Variants in DEAF1 observed in about 807,000 individuals in gnomAD.
The protein encoded by DEAF1 is deformed epidermal autoregulatory factor 1 homolog.
In DEAF1, 53 loss-of-function variants were observed where a neutral mutation model predicts 58.9. The observed-to-expected ratio is 0.90, with a 90% CI of 0.72 to 1.13. The LOEUF (loss-of-function observed/expected upper bound fraction) is 1.13, where lower values mean the gene tolerates loss of function less well. Ranked by LOEUF, DEAF1 falls within the 50% of genes most tolerant of loss-of-function variation. DEAF1 has a pLI of 0.00. For synonymous variants in DEAF1, 385 were observed against 340.4 expected (o/e 1.13, Z -1.44); for missense variants, 685 against 791.4 (o/e 0.87, Z 1.61).
At chr11:689,577 G>C (rs1459970205) in intron 2 of DEAF1, 2 of 152,130 alleles carry the variant, frequency 1.3e-5, no homozygotes, top group Non-Finnish European at 2.9e-5. Flanking sequence ...AGTTTATCAT[G>C]GAGTGGAGGG....
At chr11:674,268 T>A (rs1401622097) in intron 10 of DEAF1, 22 of 477,858 alleles carry the variant, frequency 4.6e-5, no homozygotes, top group Non-Finnish European at 8.5e-5. Flanking sequence ...AGGTGAGTAT[T>A]CACAACGGCC....
chr11:652,144 A>G (rs989147679), intron 11 of DEAF1, among the ~76,000 whole-genome samples: 1 of 152,248 alleles, frequency 6.6e-6, no homozygotes, highest in African/African-American at 2.4e-5. Flanking sequence ...AACACTAAGT[A>G]TGTTCTTGAA....
At chr11:648,121 T>A (rs932114929) in intron 11 of DEAF1, among the ~76,000 whole-genome samples, 1 of 151,856 alleles carries the variant, frequency 6.6e-6, no homozygotes, top group African/African-American at 2.4e-5. Flanking sequence ...TGGGGCTTCA[T>A]AACATGCATA....
Position 679,802 on chromosome 11 carries a change from A to AG in DEAF1, c.1011dup (p.Ser338LeufsTer13). 1.2e-6 allele frequency: 2 copies of AG among 1,613,668 alleles called. No individual in the cohort carries two copies. Among genetic ancestry groups the AG allele is most frequent in the Non-Finnish European group, 1.7e-6 (2 of 1,180,016 alleles). On this transcript the variant is annotated frameshift_variant, in exon 8 of 12. Coordinates refer to ENST00000382409, the MANE Select transcript of DEAF1 (RefSeq NM_021008.4). LOFTEE classifies it high-confidence loss of function. ...GCCCCCGAGGTCGTGATCTGTCCCG[A>AG]GGGGGTCACGGTGACTGGAAAGGCA...
chr11:687,996 G>A lies in DEAF1; in HGVS notation c.579C>T (p.Asn193=). Residue 193 remains asparagine (N), a synonymous_variant, in exon 4 of 12, where the codon AAC becomes AAT. Transcript: ENST00000382409. ...CACTGTCGTACACAGAAGGGTCCCA[G>A]TTGTATTTAGTTCCACCTTTTTCTT... ...PGQEKGGTKY[N]WDPSVYDSEL... 6.2e-7 allele frequency: 1 copy of A among 1,614,114 alleles called. No homozygotes were observed. The highest frequency in any genetic ancestry group is 2.2e-5 in the East Asian group (1 of 44,884).
intron 6 of DEAF1, 137 bp from the exon 7 acceptor site, chr11:681,226 A>G (rs1407937454): frequency 2.0e-5 from 24 of 1,223,964 alleles, no homozygotes; most frequent in Non-Finnish European, 2.7e-5. Context: ...AAGCGCCCCT[A>G]AAGATCCCAC....
At chr11:654,655 ACC>A (rs1376731594) in intron 10 of DEAF1, 1 of 454,850 alleles carries the variant, frequency 2.2e-6, no homozygotes, top group African/African-American at 2.0e-5. Context: ...CGGGTGGATC[ACC>A]TGAGGTCAGG....
At chr11:703,799 G>C in intron 1 of DEAF1, 1 of 1,233,204 alleles carries the variant, frequency 8.1e-7, no homozygotes, top group Non-Finnish European at 1.0e-6. Context: ...TCTCCCTTCA[G>C]GGGCTTCGGA....
chr11:695,483 G>T, upstream of DEAF1: 2 of 735,470 alleles, frequency 2.7e-6, no homozygotes, highest in Non-Finnish European at 3.7e-6. Context: ...GATTCTCGCC[G>T]GCGGCCGGCG....
intron 1 of DEAF1, chr11:704,746 C>T: frequency 1.0e-6 from 1 of 958,572 alleles, no homozygotes; most frequent in Non-Finnish European, 1.4e-6. Flanking sequence ...TGGATGGGGC[C>T]CGAGAGGCCA....
chr11:646,319 G>A (rs1296494952), intron 11 of DEAF1: 1 of 150,144 alleles, frequency 6.7e-6, no homozygotes, highest in Non-Finnish European at 1.5e-5. Flanking sequence ...TAGCATGAAA[G>A]CACATACATC....
intron 11 of DEAF1, among the ~76,000 whole-genome samples, chr11:649,410 A>C (rs1324266848): frequency 1.4e-5 from 2 of 141,688 alleles, no homozygotes; most frequent in African/African-American, 2.5e-5. Flanking sequence ...TGACAGAGAG[A>C]GACCCCACTT....
In DEAF1 at chr11:672,911, C is replaced by T. The variant is rs996344491; in HGVS notation, c.1503+1625G>A. 3.3e-5 allele frequency among the ~76,000 whole-genome samples: 5 copies of T among 151,296 alleles called. No homozygotes were observed. In the South Asian group the frequency reaches 6.3e-4, roughly 19 times the overall value. ...TACGTATAATCCCAGCACTTTAAGA[C>T]GCTCAGGCGGGTAGATCACTTGAGG... is the stretch of plus-strand genomic sequence containing the variant. On this transcript the variant is annotated intron_variant, in intron 10 of 11. Transcript: ENST00000382409.
intron 10 of DEAF1, among the ~76,000 whole-genome samples, chr11:666,873 CAAAAA>C (rs532628897): frequency 3.3e-5 from 2 of 60,252 alleles, no homozygotes; most frequent in African/African-American, 1.3e-4. Flanking sequence ...ACTCTGTCTC[CAAAAA>C]AAAAAAAAAA....
intron 7 of DEAF1, 178 bp from the exon 8 acceptor site, chr11:679,994 C>T: frequency 1.0e-5 from 8 of 775,216 alleles, no homozygotes; most frequent in Non-Finnish European, 1.6e-5. Flanking sequence ...GAAGACCTCA[C>T]AGGAGAAAAC....
intron 1 of DEAF1, chr11:701,055 T>G: frequency 2.9e-6 from 1 of 348,210 alleles, no homozygotes. Context: ...CCCTTGCCCT[T>G]AGCTGTCTGA....
chr11:685,645 A>C (rs1336262066), intron 5 of DEAF1, among the ~76,000 whole-genome samples: 1 of 152,098 alleles, frequency 6.6e-6, no homozygotes, highest in African/African-American at 2.4e-5. Context: ...CAGTGAGCTG[A>C]GATCACACCA....
chr11:654,190 A>C (rs1392613390), intron 10 of DEAF1, 139 bp from the exon 11 acceptor site: 3 of 577,012 alleles, frequency 5.2e-6, no homozygotes, highest in East Asian at 3.1e-5. Flanking sequence ...TTTTTTTGAG[A>C]TGGAGTCTCA....
Position 688,129 on chromosome 11 carries a change from C to T in DEAF1, c.518-72G>A, listed in dbSNP as rs752659895. On this transcript the variant is annotated intron_variant, in intron 3 of 11. Coordinates refer to ENST00000382409, the MANE Select transcript of DEAF1 (RefSeq NM_021008.4). This position sits in a 1 kb window ranked among gnomAD's most constrained non-coding sequence, Gnocchi z 4.3. ...GCATAGTACACTCTCATCTCAGACA[C>T]CACCTCCCCGGCAGCGCCACCTCCT... The T allele has an allele frequency of 1.4e-5, 23 of 1,600,596 alleles. No individual in the cohort carries two copies. Among genetic ancestry groups the T allele is most frequent in the Non-Finnish European group, 2.0e-5 (23 of 1,170,716 alleles).
Sources: allele counts gnomAD v4.1 joint callset (sites outside exome capture counted in the v4.1 genomes callset), GRCh38; gene constraint gnomAD v4.1.1; non-coding constraint Gnocchi (gnomAD v3.1); transcripts MANE v1.5; gene names NCBI Gene and HGNC (gene_info 2026-07-23, HGNC 2026-07-21).